The following GRIN2A variants were observed in gnomAD, a reference collection of about 807,000 sequenced individuals.
GRIN2A encodes glutamate receptor ionotropic, NMDA 2A.
In GRIN2A, 22 loss-of-function variants were observed where a neutral mutation model predicts 113.4. The observed-to-expected ratio is 0.19, with a 90% CI of 0.14 to 0.28. The LOEUF is 0.28. GRIN2A is among the 10% of genes least tolerant of loss of function. The pLI, the probability that GRIN2A is intolerant of heterozygous loss-of-function variation, is 1.00. For missense variants in GRIN2A, 1,502 were observed against 1,887.0 expected (o/e 0.80, Z 3.78); for synonymous variants, 827 against 738.4 (o/e 1.12, Z -1.94).
intron 11 of GRIN2A, among the ~76,000 whole-genome samples, chr16:9,782,373 T>C (rs962089590): frequency 6.6e-6 from 1 of 152,196 alleles, no homozygotes; most frequent in African/African-American, 2.4e-5. Flanking sequence ...TCCACAGATT[T>C]TGGTGTCTGT....
In GRIN2A at chr16:9,764,611, T is replaced by G; in HGVS notation, c.2933A>C (p.Tyr978Ser). The stretch of plus-strand genomic sequence containing the variant: ...AAGAGGATGTTGTCCCTGGAATACA[T>G]AGTTATTGAGGTTATCCTTCTGCCG... ...ANRQKDNLNN[Y>S]VFQGQHPLTL... The change falls in exon 13 of 13, where the codon TAT becomes TCT. Residue 978 changes from tyrosine to serine, a missense_variant. Transcript: ENST00000330684. 1 of 1,614,094 alleles carries G rather than the reference T, an allele frequency of 6.2e-7. No homozygotes were observed. The highest frequency in any genetic ancestry group is 8.5e-7 in the Non-Finnish European group (1 of 1,179,998).
At position 9,760,961 on chromosome 16, in the gene GRIN2A, C is replaced by T. The variant is rs1267828010; in HGVS notation, c.*2188G>A. The T allele has an allele frequency of 4.3e-6, 1 of 232,122 alleles. No individual in the cohort carries two copies. The highest frequency in any genetic ancestry group is 2.2e-5 in the African/African-American group (1 of 45,218). The allele number at this position is 232,122 out of a possible 1,614,324, so 14.4% of individuals were successfully genotyped here. A position where few individuals can be genotyped will look rare whatever the true frequency, so the allele number is the denominator to read the frequency against. On this transcript the variant is annotated 3_prime_UTR_variant, in exon 13 of 13. Coordinates refer to ENST00000330684, the MANE Select transcript of GRIN2A (RefSeq NM_001134407.3). ...AGATGTTGGGGTGACTATTCTGGGC[C>T]CTTCGATCCAGGCTTCTCCATGGCT...
At chr16:9,942,288 A>G (rs2044899849) in intron 2 of GRIN2A, among the ~76,000 whole-genome samples, 1 of 152,030 alleles carries the variant, frequency 6.6e-6, no homozygotes, top group Non-Finnish European at 1.5e-5. Context: ...TAGCCTACCC[A>G]TCTATGTGCA....
chr16:10,078,905 C>G (rs1483093784), intron 2 of GRIN2A, among the ~76,000 whole-genome samples: 1 of 152,222 alleles, frequency 6.6e-6, no homozygotes, highest in African/African-American at 2.4e-5. Flanking sequence ...ATTGCAATTG[C>G]AAACACTGTT....
chr16:9,948,757 C>T (rs1267946573), intron 2 of GRIN2A, among the ~76,000 whole-genome samples: 1 of 152,194 alleles, frequency 6.6e-6, no homozygotes, highest in African/African-American at 2.4e-5. Context: ...AGAACTGAAG[C>T]CATCCAGGAA....
At chr16:9,788,681 G>C (rs1318308080) in intron 11 of GRIN2A, among the ~76,000 whole-genome samples, 4 of 141,900 alleles carry the variant, frequency 2.8e-5, no homozygotes, top group Non-Finnish European at 4.6e-5. Flanking sequence ...CTTTCTTCTT[G>C]TTCTCATCTT....
intron 11 of GRIN2A, among the ~76,000 whole-genome samples, chr16:9,787,695 C>T (rs1902314431): frequency 1.3e-5 from 2 of 152,178 alleles, no homozygotes; most frequent in South Asian, 2.1e-4. Flanking sequence ...TTATCCTTCT[C>T]GTGTTACTTA....
chr16:10,096,431 G>A (rs1313323437), intron 2 of GRIN2A, among the ~76,000 whole-genome samples: 2 of 152,062 alleles, frequency 1.3e-5, no homozygotes, highest in African/African-American at 4.8e-5. Context: ...CTTTAATCAG[G>A]CATCTCGGGG....
chr16:9,977,304 G>C (rs566873035), intron 2 of GRIN2A, among the ~76,000 whole-genome samples: 12 of 149,550 alleles, frequency 8.0e-5, no homozygotes, highest in South Asian at 4.2e-4. Flanking sequence ...AGGGAGGAAG[G>C]GGGGAGGGAG....
chr16:10,140,506 T>C (rs1179858046), intron 2 of GRIN2A, among the ~76,000 whole-genome samples: 1 of 152,168 alleles, frequency 6.6e-6, no homozygotes, highest in Non-Finnish European at 1.5e-5. Context: ...ATAATTCAAA[T>C]AGGTAGCCTA....
At chr16:10,004,286 G>A (rs1057303426) in intron 2 of GRIN2A, among the ~76,000 whole-genome samples, 1 of 151,964 alleles carries the variant, frequency 6.6e-6, no homozygotes, top group Non-Finnish European at 1.5e-5. Context: ...CTACTCAGGA[G>A]GCTGAGGCAG....
At chr16:10,041,057 G>T (rs752617252) in intron 2 of GRIN2A, among the ~76,000 whole-genome samples, 3 of 152,230 alleles carry the variant, frequency 2.0e-5, no homozygotes, top group Non-Finnish European at 2.9e-5. Flanking sequence ...CACAGGTGGT[G>T]GTCTGAGTGG....
rs116349741 is a variant in GRIN2A, at chr16:9,909,251, C to T, written c.1008-18151G>A. Among the ~76,000 whole-genome samples the T allele has an allele frequency of 7.2e-3, 1,092 of 152,204 alleles. 16 individuals are homozygous for T. The highest frequency in any genetic ancestry group is 0.025 in the African/African-American group (1,026 of 41,518). ...TCACAAGAAAAGCATGGGAAAAACC[C>T]GCCCCTATGATTCAATTACCTCCCA... is the stretch of plus-strand genomic sequence containing the variant. On this transcript the variant is annotated intron_variant, in intron 3 of 12. Transcript: ENST00000330684.
intron 9 of GRIN2A, among the ~76,000 whole-genome samples, chr16:9,825,413 A>G (rs1484316891): frequency 1.3e-5 from 2 of 151,934 alleles, no homozygotes; most frequent in African/African-American, 4.8e-5. Context: ...ATTATTTTCT[A>G]ATTTTTTTTC....
intron 2 of GRIN2A, among the ~76,000 whole-genome samples, chr16:10,084,744 C>CTTTATTTACTTATTTATTTATTTA (rs2048053080): frequency 6.8e-6 from 1 of 147,024 alleles, no homozygotes; most frequent in African/African-American, 2.5e-5. Flanking sequence ...CCACCTGACA[C>CTTTATTTACTTATTTATTTATTTA]TTTATTTATT....
chr16:9,859,020 CA>C (rs1354139655), intron 4 of GRIN2A, among the ~76,000 whole-genome samples: 2 of 152,052 alleles, frequency 1.3e-5, no homozygotes, highest in African/African-American at 4.8e-5. Flanking sequence ...ATCTAAACAC[CA>C]AAATTATAGA....
At chr16:9,880,615 G>C (rs137857308) in intron 4 of GRIN2A, among the ~76,000 whole-genome samples, 20 of 152,296 alleles carry the variant, frequency 1.3e-4, no homozygotes, top group Middle Eastern at 3.4e-3. Context: ...AAAAGGCCAA[G>C]TGTCACTGGA....
intron 3 of GRIN2A, among the ~76,000 whole-genome samples, chr16:9,914,904 GCTTTTTTTTTTTTTTTTTTTTTTTTT>G (rs1271277112): frequency 4.1e-5 from 2 of 48,692 alleles, no homozygotes; most frequent in African/African-American, 1.4e-4. Flanking sequence ...TGATTATGCA[GCTTTTTTTTTTTTTTTTTTTTTTTTT>G]TTTTTTTTTT....
intron 2 of GRIN2A, among the ~76,000 whole-genome samples, chr16:9,996,182 A>C (rs976680873): frequency 6.6e-6 from 1 of 152,168 alleles, no homozygotes; most frequent in African/African-American, 2.4e-5. Context: ...AATGTCAGAA[A>C]GAGAAGATGC....
Sources: allele counts gnomAD v4.1 joint callset (sites outside exome capture counted in the v4.1 genomes callset), GRCh38; gene constraint gnomAD v4.1.1; transcripts MANE v1.5; gene names NCBI Gene and HGNC (gene_info 2026-07-23, HGNC 2026-07-21).